The following SPATA17 variants were observed in gnomAD, a reference collection of about 807,000 sequenced individuals.
SPATA17 encodes the protein spermatogenesis-associated protein 17.
In SPATA17, 53 loss-of-function variants were observed where a neutral mutation model predicts 62.2. That is an observed-to-expected ratio of 0.85 (90% CI 0.68 to 1.07). The LOEUF is 1.07. Ranked by LOEUF, SPATA17 falls within the 50% of genes least tolerant of loss-of-function variation. The pLI is 0.00. For synonymous variants in SPATA17, 146 were observed against 146.8 expected, an observed-to-expected ratio of 0.99 and a Z score of 0.04; for missense variants, 466 against 425.5, an observed-to-expected ratio of 1.10 and a Z score of -0.84.
intron 9 of SPATA17, among the ~76,000 whole-genome samples, chr1:217,820,223 G>T (rs2102996494): frequency 6.6e-6 from 1 of 152,168 alleles, no homozygotes; most frequent in Non-Finnish European, 1.5e-5. Context: ...TAAACAATTA[G>T]TCTTTAGGCT....
intron 5 of SPATA17, among the ~76,000 whole-genome samples, chr1:217,688,680 A>G (rs916511973): frequency 6.6e-6 from 1 of 152,168 alleles, no homozygotes; most frequent in African/African-American, 2.4e-5. Context: ...TCAACTGCTC[A>G]TCATTCTTTA....
intron 3 of SPATA17, among the ~76,000 whole-genome samples, chr1:217,652,320 C>T (rs1670335751): frequency 6.6e-6 from 1 of 152,156 alleles, no homozygotes. Flanking sequence ...CAACCTCTGC[C>T]TCCTGGGTTC....
rs1190658693 is a variant in SPATA17, at chr1:217,870,089, A to G, written c.*3070A>G. 1 of 152,098 alleles carries G rather than the reference A, an allele frequency of 6.6e-6. No individual in the cohort carries two copies. The highest frequency in any genetic ancestry group is 1.5e-5 in the Non-Finnish European group (1 of 68,028). The allele number at this position is 152,098 out of a possible 1,614,324, so 9.4% of individuals were successfully genotyped here. ...TTTCTAAACTTATAACAAAATAAAT[A>G]ATTGGCCATCTTCATTGGATTGTGA... is the stretch of plus-strand genomic sequence containing the variant. On this transcript the variant is annotated 3_prime_UTR_variant, in exon 11 of 11. Transcript: ENST00000366933.
At chr1:217,667,825 G>C (rs536212457) in intron 3 of SPATA17, among the ~76,000 whole-genome samples, 1 of 152,094 alleles carries the variant, frequency 6.6e-6, no homozygotes. Context: ...CACCAATTAC[G>C]CCTTGCTTAC....
chr1:217,650,975 A>G (rs895773597), intron 2 of SPATA17, 122 bp from the exon 3 acceptor site: 3 of 697,044 alleles, frequency 4.3e-6, no homozygotes. Flanking sequence ...CTACTGTTTA[A>G]AAGTGCACAT....
At chr1:217,771,744 G>A (rs543004025) in intron 6 of SPATA17, among the ~76,000 whole-genome samples, 1 of 152,144 alleles carries the variant, frequency 6.6e-6, no homozygotes, top group South Asian at 2.1e-4. Context: ...CACATGAGGA[G>A]GTCTCCATAT....
At chr1:217,696,322 G>A (rs1352393943) in intron 5 of SPATA17, among the ~76,000 whole-genome samples, 3 of 152,172 alleles carry the variant, frequency 2.0e-5, no homozygotes, top group African/African-American at 4.8e-5. Context: ...GAGCTTCCCA[G>A]GTGAGGCAAT....
At chr1:217,795,647 G>A (rs1355587673) in intron 8 of SPATA17, among the ~76,000 whole-genome samples, 1 of 151,924 alleles carries the variant, frequency 6.6e-6, no homozygotes, top group Non-Finnish European at 1.5e-5. Context: ...TGGGATTACA[G>A]ACATGAGCCA....
intron 4 of SPATA17, among the ~76,000 whole-genome samples, chr1:217,671,406 T>G (rs1315275543): frequency 6.6e-6 from 1 of 152,212 alleles, no homozygotes; most frequent in Non-Finnish European, 1.5e-5. Flanking sequence ...TATACCTTCC[T>G]ATGAAAGAAA....
At chr1:217,833,344 T>G (rs1675189086) in intron 9 of SPATA17, among the ~76,000 whole-genome samples, 1 of 152,190 alleles carries the variant, frequency 6.6e-6, no homozygotes, top group Non-Finnish European at 1.5e-5. Flanking sequence ...ACCATCTCTC[T>G]CATATTGAAA....
intron 6 of SPATA17, among the ~76,000 whole-genome samples, chr1:217,772,553 T>A (rs186030452): frequency 6.6e-6 from 1 of 152,352 alleles, no homozygotes; most frequent in East Asian, 1.9e-4. Flanking sequence ...AAAAATGGTA[T>A]AATCTGTATA....
intron 6 of SPATA17, among the ~76,000 whole-genome samples, chr1:217,766,961 A>T (rs1673316506): frequency 6.6e-6 from 1 of 152,010 alleles, no homozygotes; most frequent in Admixed American, 6.6e-5. Context: ...ATGTGTACTT[A>T]ATGTTTATCT....
chr1:217,832,225 T>C (rs547937428), intron 9 of SPATA17, among the ~76,000 whole-genome samples: 4 of 152,158 alleles, frequency 2.6e-5, no homozygotes, highest in Non-Finnish European at 4.4e-5. Flanking sequence ...ATAAAATGTA[T>C]GCTTAGTTTA....
chr1:217,712,874 T>A (rs897133531), intron 5 of SPATA17, among the ~76,000 whole-genome samples: 1 of 151,968 alleles, frequency 6.6e-6, no homozygotes, highest in African/African-American at 2.4e-5. Flanking sequence ...CTGGCAGAGT[T>A]GAAGTACTAA....
chr1:217,705,666 C>G (rs1316309216), intron 5 of SPATA17, among the ~76,000 whole-genome samples: 3 of 152,028 alleles, frequency 2.0e-5, no homozygotes. Flanking sequence ...GCCTTGATTT[C>G]TTGACCTTGT....
At chr1:217,858,225 A>C (rs1259934219) in intron 9 of SPATA17, among the ~76,000 whole-genome samples, 2 of 152,212 alleles carry the variant, frequency 1.3e-5, no homozygotes, top group Admixed American at 6.5e-5. Flanking sequence ...AGTTCTGCTG[A>C]TGACATGGTA....
chr1:217,844,739 C>T (rs951496683), intron 9 of SPATA17, among the ~76,000 whole-genome samples: 1 of 152,074 alleles, frequency 6.6e-6, no homozygotes, highest in African/African-American at 2.4e-5. Context: ...TCTAGGAATG[C>T]CTTTCTGTTG....
intron 9 of SPATA17, among the ~76,000 whole-genome samples, chr1:217,856,532 T>C (rs911406665): frequency 6.6e-6 from 1 of 152,182 alleles, no homozygotes; most frequent in Non-Finnish European, 1.5e-5. Context: ...CATCACACAA[T>C]ATGCAAAGGA....
chr1:217,711,977 G>C (rs1395696927), intron 5 of SPATA17, among the ~76,000 whole-genome samples: 1 of 152,092 alleles, frequency 6.6e-6, no homozygotes, highest in Non-Finnish European at 1.5e-5. Context: ...CATGTTGGTA[G>C]ATCCAGCAGT....
Sources: gnomAD v4.1 joint callset for allele counts (sites outside exome capture counted in the v4.1 genomes callset) on GRCh38, gnomAD v4.1.1 for gene constraint, MANE v1.5 for transcripts, NCBI Gene and HGNC (gene_info 2026-07-23, HGNC 2026-07-21) for gene names.